VPS13B: variants seen among roughly 807,000 people sequenced by gnomAD.
VPS13B encodes intermembrane lipid transfer protein VPS13B.
Under a neutral mutation model 426.4 loss-of-function variants are expected in VPS13B, and 285 were observed. The ratio of observed to expected loss-of-function variants is 0.67; its 90% CI spans 0.61 to 0.74. The LOEUF is 0.74. Among genes scored for constraint, VPS13B ranks in the 30% least tolerant of loss-of-function variants. VPS13B has a pLI of 0.00. For synonymous variants in VPS13B, 1,676 were observed against 1,676.4 expected, an observed-to-expected ratio of 1.00 and a Z score of 0.01; for missense variants, 4,537 against 4,782.6, an observed-to-expected ratio of 0.95 and a Z score of 1.51.
chr8:99,546,283 G>C (rs1334738657), intron 30 of VPS13B, among the ~76,000 whole-genome samples: 1 of 151,136 alleles, frequency 6.6e-6, no homozygotes, highest in African/African-American at 2.4e-5. Flanking sequence ...CAAATTTCCT[G>C]TTTTAAATCA....
intron 19 of VPS13B, among the ~76,000 whole-genome samples, chr8:99,371,419 G>A (rs1563692936): frequency 6.6e-6 from 1 of 152,146 alleles, no homozygotes. Context: ...TATATCTGAG[G>A]CCTCTGTTCT....
chr8:99,368,854 G>A (rs1169685683), intron 19 of VPS13B, among the ~76,000 whole-genome samples: 4 of 152,106 alleles, frequency 2.6e-5, no homozygotes, highest in Middle Eastern at 3.2e-3. Flanking sequence ...CCTAGAATGG[G>A]CATTCATGAT....
At chr8:99,588,924 C>T (rs935044531) in intron 33 of VPS13B, among the ~76,000 whole-genome samples, 1 of 150,902 alleles carries the variant, frequency 6.6e-6, no homozygotes, top group Non-Finnish European at 1.5e-5. Flanking sequence ...AGTTTTTGCC[C>T]ATTCAGTGTT....
intron 14 of VPS13B, among the ~76,000 whole-genome samples, chr8:99,149,280 C>G (rs534378755): frequency 1.2e-4 from 19 of 152,166 alleles, no homozygotes; most frequent in Non-Finnish European, 2.6e-4. Context: ...CAATGTATTG[C>G]TTTCTGAGTT....
intron 19 of VPS13B, among the ~76,000 whole-genome samples, chr8:99,352,811 C>A (rs1811964074): frequency 6.7e-6 from 1 of 150,286 alleles, no homozygotes; most frequent in East Asian, 2.0e-4. Context: ...GCAACAAGAG[C>A]AGAACTCCAT....
Position 99,251,306 on chromosome 8 carries a change from A to G in VPS13B, c.2516-22892A>G, listed in dbSNP as rs927057226. On this transcript the variant is annotated intron_variant, in intron 17 of 61. Transcript: ENST00000357162. ...GTGATTTTAGGTGTTTTTGTAGATG[A>G]TCTTTCTTAGGAAGTTCCTCTCTAT... is the stretch of plus-strand genomic sequence containing the variant. Among the ~76,000 whole-genome samples the G allele has an allele frequency of 7.2e-5, 11 of 152,202 alleles. No homozygotes were observed. In the East Asian group the frequency reaches 2.1e-3, roughly 29 times the overall value.
At chr8:99,707,002 A>G (rs1019040959) in intron 36 of VPS13B, among the ~76,000 whole-genome samples, 4 of 152,162 alleles carry the variant, frequency 2.6e-5, no homozygotes, top group Non-Finnish European at 4.4e-5. Flanking sequence ...TGAGTAACTG[A>G]CAACATCTTA....
At chr8:99,639,460 C>T (rs1829212119) in intron 33 of VPS13B, among the ~76,000 whole-genome samples, 1 of 151,958 alleles carries the variant, frequency 6.6e-6, no homozygotes, top group Non-Finnish European at 1.5e-5. Context: ...ATGGTGTCTT[C>T]AAAGGACAGA....
At chr8:99,170,306 A>G (rs1158085747) in intron 16 of VPS13B, 143 bp downstream of exon 16, 1 of 1,005,364 alleles carries the variant, frequency 9.9e-7, no homozygotes, top group Non-Finnish European at 1.4e-6. Flanking sequence ...TTTTACTGAG[A>G]CACTAAAAGT....
chr8:99,676,421 T>C (rs1304013860), intron 35 of VPS13B, among the ~76,000 whole-genome samples: 2 of 151,982 alleles, frequency 1.3e-5, no homozygotes, highest in Non-Finnish European at 2.9e-5. Flanking sequence ...GCTCAGTACA[T>C]GGGTACTGAC....
chr8:99,048,559 A>G (rs547278088), intron 3 of VPS13B, among the ~76,000 whole-genome samples: 1 of 152,252 alleles, frequency 6.6e-6, no homozygotes, highest in Non-Finnish European at 1.5e-5. Context: ...TCATGCCTGT[A>G]ATCCCAGCAC....
intron 35 of VPS13B, among the ~76,000 whole-genome samples, chr8:99,687,243 A>T (rs1485410888): frequency 6.6e-6 from 1 of 151,924 alleles, no homozygotes; most frequent in East Asian, 1.9e-4. Flanking sequence ...GCTGCAAGAC[A>T]AAGTCCCCTT....
chr8:99,497,247 A>T (rs976535645), intron 25 of VPS13B, among the ~76,000 whole-genome samples: 3 of 141,546 alleles, frequency 2.1e-5, no homozygotes, highest in Non-Finnish European at 4.6e-5. Flanking sequence ...ACATATATGT[A>T]TGTATTTATG....
At chr8:99,595,495 A>T (rs947198466) in intron 33 of VPS13B, among the ~76,000 whole-genome samples, 2 of 151,960 alleles carry the variant, frequency 1.3e-5, no homozygotes, top group South Asian at 4.1e-4. Context: ...ACCTAAATAT[A>T]AAGAGCTAAA....
At chr8:99,347,648 T>G (rs1290248586) in intron 19 of VPS13B, 1 of 152,308 alleles carries the variant, frequency 6.6e-6, no homozygotes, top group African/African-American at 2.4e-5. Context: ...CCTGTCAGCT[T>G]CACACCATTC....
At chr8:99,324,921 TCTC>T (rs1015055920) in intron 19 of VPS13B, among the ~76,000 whole-genome samples, 2 of 152,150 alleles carry the variant, frequency 1.3e-5, no homozygotes, top group Non-Finnish European at 2.9e-5. Flanking sequence ...GGCTCTTCCT[TCTC>T]CTTCCATTGT....
chr8:99,161,842 C>T (rs1811675117), intron 15 of VPS13B, among the ~76,000 whole-genome samples: 1 of 150,960 alleles, frequency 6.6e-6, no homozygotes, highest in Non-Finnish European at 1.5e-5. Context: ...AAGCGATTCT[C>T]CTGCCTCAGC....
chr8:99,015,576 T>C (rs1841571988), intron 2 of VPS13B, among the ~76,000 whole-genome samples: 1 of 151,682 alleles, frequency 6.6e-6, no homozygotes, highest in South Asian at 2.1e-4. Flanking sequence ...AAAAATGGAA[T>C]GTTTCCAGCA....
Position 99,275,511 on chromosome 8 carries a change from A to G in VPS13B, c.2824+257A>G, listed in dbSNP as rs532867631. Among the ~76,000 whole-genome samples the G allele has an allele frequency of 3.3e-5, 5 of 152,190 alleles. No individual in the cohort carries two copies. The South Asian group carries it at 6.2e-4, about 19-fold the overall frequency. On this transcript the variant is annotated intron_variant, in intron 19 of 61. Coordinates refer to ENST00000357162, the MANE Select transcript of VPS13B (RefSeq NM_152564.5). The stretch of plus-strand genomic sequence containing the variant: ...ATAGTGGTTAACTTCAGATTCGTAT[A>G]TATAAGGAACAACTGAGTTTTAAAA...
Sources: gnomAD v4.1 joint callset for allele counts (sites outside exome capture counted in the v4.1 genomes callset) on GRCh38, gnomAD v4.1.1 for gene constraint, MANE v1.5 for transcripts, NCBI Gene and HGNC (gene_info 2026-07-23, HGNC 2026-07-21) for gene names.